Variants in TECPR2 observed in about 807,000 individuals in gnomAD.
The protein encoded by TECPR2 is tectonin beta-propeller repeat-containing protein 2.
Under a neutral mutation model 138.1 loss-of-function variants are expected in TECPR2, and 65 were observed. That is an observed-to-expected ratio of 0.47 (90% confidence interval 0.39 to 0.58). The LOEUF is 0.58. Among genes scored for constraint, TECPR2 ranks in the 20% least tolerant of loss-of-function variants. The pLI is 0.00. For synonymous variants in TECPR2, 746 were observed against 749.8 expected (o/e 0.99, Z 0.08); for missense variants, 1,553 against 1,824.5 (o/e 0.85, Z 2.71).
intron 11 of TECPR2, among the ~76,000 whole-genome samples, chr14:102,440,962 C>T (rs1889812643): frequency 6.6e-6 from 1 of 152,088 alleles, no homozygotes; most frequent in Admixed American, 6.5e-5. Context: ...TCATTTCCCC[C>T]TTTAAGCTAA....
chr14:102,441,951 G>A (rs1201780018), intron 11 of TECPR2, among the ~76,000 whole-genome samples: 2 of 152,140 alleles, frequency 1.3e-5, no homozygotes, highest in Non-Finnish European at 2.9e-5. Flanking sequence ...AGTCTTCCAG[G>A]CGTTTAATGT....
At position 102,438,078 on chromosome 14, in the gene TECPR2, G is replaced by C. The variant is rs1394036960; in HGVS notation, c.2451G>C (p.Val817=). ...CCGGCTATGGCATCCTCAGCTTGGT[G>C]GTCTCCGAGAAGTATATCTGGTGCC... ...SGPGYGILSL[V]VSEKYIWCLD... is the part of the protein sequence containing the mutation. Residue 817 remains valine (V), a synonymous_variant, in exon 10 of 20, where the codon GTG becomes GTC. Coordinates refer to ENST00000359520, the MANE Select transcript of TECPR2 (RefSeq NM_014844.5). The C allele has an allele frequency of 1.9e-6, 3 of 1,614,176 alleles. No homozygotes were observed. Among genetic ancestry groups the C allele is most frequent in the Non-Finnish European group, 2.5e-6 (3 of 1,180,038 alleles).
intron 5 of TECPR2, among the ~76,000 whole-genome samples, chr14:102,422,287 G>A (rs959748671): frequency 2.0e-5 from 3 of 152,178 alleles, no homozygotes; most frequent in Non-Finnish European, 2.9e-5. Flanking sequence ...TTAAGTCCTC[G>A]TTTAATGTCA....
intron 9 of TECPR2, chr14:102,437,260 A>G (rs553094647): frequency 1.5e-5 from 14 of 952,680 alleles, no homozygotes; most frequent in Non-Finnish European, 1.7e-5. Context: ...AAAGAATTCT[A>G]GCAAGGTCGG....
chr14:102,497,491 C>G (rs982238692), intron 18 of TECPR2, 79 bp from the exon 19 acceptor site: 8 of 1,405,982 alleles, frequency 5.7e-6, no homozygotes, highest in Non-Finnish European at 1.9e-6. Context: ...AGGTGTGCAG[C>G]GTCACAAGAG....
At chr14:102,431,734 G>A in intron 7 of TECPR2, 62 bp from the exon 8 acceptor site, 3 of 1,460,988 alleles carry the variant, frequency 2.1e-6, no homozygotes, top group Non-Finnish European at 2.8e-6. Flanking sequence ...AGCAAACGTG[G>A]ATAAGTGCAC....
chr14:102,472,227 C>CTG (rs1431118680), intron 17 of TECPR2, among the ~76,000 whole-genome samples: 1 of 152,204 alleles, frequency 6.6e-6, no homozygotes, highest in Non-Finnish European at 1.5e-5. Flanking sequence ...GTGCACCTCT[C>CTG]TGCAGCCATG....
chr14:102,483,555 C>T (rs1230723991), intron 17 of TECPR2, among the ~76,000 whole-genome samples: 7 of 152,064 alleles, frequency 4.6e-5, no homozygotes, highest in Non-Finnish European at 1.0e-4. Flanking sequence ...AATCCTCCCA[C>T]CACAGCCTCC....
intron 8 of TECPR2, among the ~76,000 whole-genome samples, chr14:102,432,504 ACCT>A (rs1203755949): frequency 2.6e-5 from 4 of 151,704 alleles, no homozygotes; most frequent in Admixed American, 6.6e-5. Flanking sequence ...CTGCAACCTC[ACCT>A]CCTGAGTTCA....
At position 102,433,513 on chromosome 14, in the gene TECPR2, TA is replaced by T. The variant is rs1367933048; in HGVS notation, c.1418-721del. Among the ~76,000 whole-genome samples the T allele has an allele frequency of 1.8e-3, 275 of 151,046 alleles. 2 individuals carry two copies. Among genetic ancestry groups the T allele is most frequent in the African/African-American group, 5.9e-3 (241 of 41,016 alleles). On this transcript the variant is annotated intron_variant, in intron 8 of 19. Transcript: ENST00000359520. ...CTTTATTTTTATTTATTTATTTATTTATTTATTTATTTTTTAATTTATTGGA... is the reference window on the plus strand; with the variant it reads ...CTTTATTTTTATTTATTTATTTATTTTTTATTTATTTTTTAATTTATTGGA...
At chr14:102,479,979 G>A (rs935653502) in intron 17 of TECPR2, among the ~76,000 whole-genome samples, 1 of 152,216 alleles carries the variant, frequency 6.6e-6, no homozygotes, top group African/African-American at 2.4e-5. Context: ...GGCAGAATCT[G>A]TTACTTGCAA....
At chr14:102,379,426 C>T (rs35586427) in intron 2 of TECPR2, among the ~76,000 whole-genome samples, 7 of 149,260 alleles carry the variant, frequency 4.7e-5, no homozygotes, top group South Asian at 2.1e-4. Flanking sequence ...CAGAGGCATC[C>T]TAGTCACACT....
intron 2 of TECPR2, among the ~76,000 whole-genome samples, chr14:102,384,540 G>A (rs139855565): frequency 0.027 from 4,119 of 151,886 alleles, 75 homozygotes; most frequent in Middle Eastern, 0.085. Context: ...AGCCAGGCAT[G>A]GTGGCCCATG....
chr14:102,397,755 T>C (rs1888352893), intron 2 of TECPR2, among the ~76,000 whole-genome samples: 1 of 144,376 alleles, frequency 6.9e-6, no homozygotes, highest in African/African-American at 2.6e-5. Context: ...TCTAAATAAA[T>C]AAATAAATAA....
chr14:102,468,056 G>A (rs1344424537), intron 17 of TECPR2, among the ~76,000 whole-genome samples: 1 of 152,056 alleles, frequency 6.6e-6, no homozygotes, highest in East Asian at 1.9e-4. Flanking sequence ...ATGTTGGCCA[G>A]GCTGGTCTCA....
rs374448673 is a variant in TECPR2 at position 102,445,799 on chromosome 14, T to C, written c.2934-7T>C. The stretch of plus-strand genomic sequence containing the variant: ...GCTGACCCCCCTGTTCTCCTCCTTA[T>C]TTTCAGCGAAAGGCAAGCTTTAGAA... On this transcript the variant is annotated splice_region_variant and splice_polypyrimidine_tract_variant and intron_variant, in intron 12 of 19. Transcript: ENST00000359520. The C allele has an allele frequency of 6.2e-7, 1 of 1,613,472 alleles. No individual in the cohort carries two copies. The highest frequency in any genetic ancestry group is 1.7e-5 in the Admixed American group (1 of 59,938).
Position 102,498,400 on chromosome 14 carries a change from T to A in TECPR2, c.*143T>A. 1 of 1,081,098 alleles carries A rather than the reference T, an allele frequency of 9.2e-7. No homozygotes were observed. Among genetic ancestry groups the A allele is most frequent in the Non-Finnish European group, 1.3e-6 (1 of 775,440 alleles). 67.0% of individuals were successfully genotyped at this position (1,081,098 alleles called of 1,614,324 possible). A position where few individuals can be genotyped will look rare whatever the true frequency, so the allele number is the denominator to read the frequency against. ...TTGGACCCGCACACTTACTTTCATCTATGTTGGTTTCTGTCTCGTTCCAGA... is the reference window on the plus strand; with the variant it reads ...TTGGACCCGCACACTTACTTTCATCAATGTTGGTTTCTGTCTCGTTCCAGA... On this transcript the variant is annotated 3_prime_UTR_variant, in exon 20 of 20. Coordinates refer to ENST00000359520, the MANE Select transcript of TECPR2 (RefSeq NM_014844.5).
At chr14:102,396,959 A>G (rs1258241766) in intron 2 of TECPR2, among the ~76,000 whole-genome samples, 1 of 152,148 alleles carries the variant, frequency 6.6e-6, no homozygotes, top group Non-Finnish European at 1.5e-5. Context: ...TCCAATTAAC[A>G]AGACTTCCAG....
Position 102,499,262 on chromosome 14 carries a change from C to A in TECPR2, c.*1005C>A. ...TTGGAATGGTGTTTAACTAATGCTG[C>A]TGGCGGACATCCTAAAACCAGATGC... On this transcript the variant is annotated 3_prime_UTR_variant, in exon 20 of 20. Transcript: ENST00000359520. 1 of 657,902 alleles carries A rather than the reference C, an allele frequency of 1.5e-6. No individual in the cohort carries two copies. The highest frequency in any genetic ancestry group is 1.6e-5 in the South Asian group (1 of 60,902). The allele number at this position is 657,902 out of a possible 1,614,324, so 40.8% of individuals were successfully genotyped here. A position where few individuals can be genotyped will look rare whatever the true frequency, so the allele number is the denominator to read the frequency against.
Sources: allele counts gnomAD v4.1 joint callset (sites outside exome capture counted in the v4.1 genomes callset), GRCh38; gene constraint gnomAD v4.1.1; transcripts MANE v1.5; gene names NCBI Gene and HGNC (gene_info 2026-07-23, HGNC 2026-07-21).